Variants in BIN2 observed in about 807,000 individuals in gnomAD.
BIN2 encodes bridging integrator 2, also known as breast cancer associated protein BRAP1.
In BIN2, 43 loss-of-function variants were observed where a neutral mutation model predicts 67.9. The ratio of observed to expected loss-of-function variants is 0.63; its 90% CI spans 0.50 to 0.82. The LOEUF is 0.82. Ranked by LOEUF, BIN2 falls within the 40% of genes least tolerant of loss-of-function variation. BIN2 has a pLI of 0.00. For synonymous variants in BIN2, 244 were observed against 246.8 expected, an observed-to-expected ratio of 0.99 and a Z score of 0.11; for missense variants, 581 against 671.6, an observed-to-expected ratio of 0.87 and a Z score of 1.49.
At chr12:51,285,549 A>G (rs959415139) in intron 11 of BIN2, among the ~76,000 whole-genome samples, 30 of 152,190 alleles carry the variant, frequency 2.0e-4, no homozygotes, top group African/African-American at 7.2e-4. Context: ...AGTTTTTAAA[A>G]CATGAAATTT....
In BIN2 at chr12:51,292,017, G is replaced by A. The variant is rs1357580607; in HGVS notation, c.1089C>T (p.Pro363=). 1 of 1,614,182 alleles carries A rather than the reference G, an allele frequency of 6.2e-7. No homozygotes were observed. The highest frequency in any genetic ancestry group is 1.3e-5 in the African/African-American group (1 of 75,050). The change falls in exon 10 of 13, where the codon CCC becomes CCT. Residue 363 remains proline, a synonymous_variant. Coordinates refer to ENST00000615107, the MANE Select transcript of BIN2 (RefSeq NM_016293.4). The stretch of plus-strand genomic sequence containing the variant: ...CGCCTGGTGATGGAGTTGTGGAGCT[G>A]GGGAGAACTTCCTCCTGGGACTTGG... ...ERAKSQEEVL[P]SSTTPSPGGA... is the part of the protein sequence containing the mutation.
intron 11 of BIN2, among the ~76,000 whole-genome samples, chr12:51,287,476 G>A (rs1945267144): frequency 6.6e-6 from 1 of 151,818 alleles, no homozygotes; most frequent in Non-Finnish European, 1.5e-5. Flanking sequence ...GGGATTTCAG[G>A]CACATGCCAC....
chr12:51,295,575 AAAATATATATAT>A (rs1453056890), intron 9 of BIN2, among the ~76,000 whole-genome samples: 1 of 18,272 alleles, frequency 5.5e-5, no homozygotes, highest in Non-Finnish European at 9.5e-5. Flanking sequence ...AAAAAAAAAA[AAAATATATATAT>A]ATATATATAT....
At chr12:51,324,645 GC>G (rs1214107570), upstream of BIN2, 1 of 1,068,548 alleles carries the variant, frequency 9.4e-7, no homozygotes, top group Non-Finnish European at 1.3e-6. Flanking sequence ...GGACACCCGA[GC>G]CGGGCTTGAA....
chr12:51,316,328 C>CAAAAAAAAAA (rs3059178), intron 1 of BIN2, among the ~76,000 whole-genome samples: 2 of 123,296 alleles, frequency 1.6e-5, no homozygotes, highest in African/African-American at 3.0e-5. Context: ...ACTAAAAATA[C>CAAAAAAAAAA]AAAAAAAAAA....
At chr12:51,282,686 C>T (rs1315291771) in intron 12 of BIN2, among the ~76,000 whole-genome samples, 1 of 152,040 alleles carries the variant, frequency 6.6e-6, no homozygotes, top group African/African-American at 2.4e-5. Context: ...GCTTCTTTGT[C>T]CCGGGTTCAA....
intron 1 of BIN2, 106 bp downstream of exon 1, chr12:51,323,916 C>A: frequency 1.4e-6 from 2 of 1,406,240 alleles, no homozygotes; most frequent in Non-Finnish European, 1.9e-6. Flanking sequence ...TCAGCCCAGA[C>A]CCTTCGGGGC....
rs1161982744 is a variant in BIN2 at position 51,303,087 on chromosome 12, C to A, written c.217G>T (p.Val73Leu). 1.2e-6 allele frequency: 2 copies of A among 1,614,102 alleles called. No individual in the cohort carries two copies. Among genetic ancestry groups the A allele is most frequent in the Non-Finnish European group, 1.7e-6 (2 of 1,179,964 alleles). Residue 73 changes from valine to leucine, a missense_variant and splice_region_variant, in exon 3 of 13, where the codon GTG (valine) becomes TTG (leucine). By Grantham distance (32) the Val-to-Leu change is conservative. Transcript: ENST00000615107. ...DLKNFLSAVK[V>L]MHESSKRVSE... ...GATTCTCCCATGCTGCATTGCCCAC[C>A]TTTGACTGCACTAAGGAAGTTCTTC...
At chr12:51,321,897 T>G (rs4762041) in intron 1 of BIN2, among the ~76,000 whole-genome samples, 49,369 of 152,184 alleles carry the variant, frequency 0.32, 8,491 homozygotes, top group African/African-American at 0.44. Context: ...TCTCAATAAC[T>G]TCCCAAGACT....
intron 11 of BIN2, among the ~76,000 whole-genome samples, 186 bp from the exon 12 acceptor site, chr12:51,284,973 A>G (rs1364398307): frequency 2.0e-5 from 3 of 152,232 alleles, no homozygotes; most frequent in African/African-American, 7.2e-5. Flanking sequence ...ATCCTCTTTT[A>G]CAGATGAATA....
chr12:51,321,371 T>C (rs1293109872), intron 1 of BIN2, among the ~76,000 whole-genome samples: 3 of 152,152 alleles, frequency 2.0e-5, no homozygotes, highest in Non-Finnish European at 2.9e-5. Context: ...CGGTAGAATG[T>C]TGGCTCCATA....
At chr12:51,294,489 C>T (rs1329358892) in intron 9 of BIN2, among the ~76,000 whole-genome samples, 1 of 151,704 alleles carries the variant, frequency 6.6e-6, no homozygotes, top group African/African-American at 2.4e-5. Flanking sequence ...ATTGCTTGAA[C>T]CCGGGAAGCA....
At chr12:51,300,166 G>A (rs758851991) in intron 5 of BIN2, among the ~76,000 whole-genome samples, 8 of 151,896 alleles carry the variant, frequency 5.3e-5, no homozygotes, top group Non-Finnish European at 8.8e-5. Context: ...AGGGTTTTGC[G>A]CCCATGGGGT....
chr12:51,323,701 C>T (rs1946350484), intron 1 of BIN2, among the ~76,000 whole-genome samples: 1 of 152,226 alleles, frequency 6.6e-6, no homozygotes, highest in South Asian at 2.1e-4. Flanking sequence ...ACAAAGGTGG[C>T]CACCACCATC....
At chr12:51,322,488 C>T (rs1042760121) in intron 1 of BIN2, 1 of 152,448 alleles carries the variant, frequency 6.6e-6, no homozygotes, top group Non-Finnish European at 1.5e-5. Flanking sequence ...ATCTCCTGGG[C>T]TCAAGCAGTC....
chr12:51,297,645 GA>G (rs554583216), intron 7 of BIN2, among the ~76,000 whole-genome samples: 8 of 152,120 alleles, frequency 5.3e-5, no homozygotes, highest in Non-Finnish European at 1.0e-4. Context: ...GCTGGGCCAG[GA>G]ACACACGTGA....
chr12:51,282,425 GCACAA>G (rs1945138483), intron 12 of BIN2, among the ~76,000 whole-genome samples: 2 of 152,252 alleles, frequency 1.3e-5, no homozygotes, highest in South Asian at 4.1e-4. Context: ...TAACATCACA[GCACAA>G]CACATTACTC....
At position 51,281,354 on chromosome 12, in the gene BIN2, T is replaced by G; in HGVS notation, c.*145A>C. 1.2e-6 allele frequency: 1 copy of G among 849,566 alleles called. No individual in the cohort carries two copies. The highest frequency in any genetic ancestry group is 1.9e-6 in the Non-Finnish European group (1 of 518,788). 52.6% of individuals were successfully genotyped at this position (849,566 alleles called of 1,614,324 possible). ...CGTAAGGCTGCTCCTCCGCCTCCAT[T>G]AATGCCAGGTCTTTAGACAGCACCA... is the stretch of plus-strand genomic sequence containing the variant. On this transcript the variant is annotated 3_prime_UTR_variant, in exon 13 of 13. Transcript: ENST00000615107.
rs192493641 is a variant in BIN2, at chr12:51,291,172, C to A, written c.1515+419G>T. Among the ~76,000 whole-genome samples the A allele has an allele frequency of 4.2e-3, 629 of 151,276 alleles. 3 individuals are homozygous for A. Among genetic ancestry groups the A allele is most frequent in the African/African-American group, 0.014 (575 of 41,312 alleles). Reference sequence around the variant, plus strand: ...TCAAAAAAGCAAACAAACAAACAAACAAAAAAAAGTCAATTACCCTAAAAG... The same window carrying A: ...TCAAAAAAGCAAACAAACAAACAAAAAAAAAAAAGTCAATTACCCTAAAAG... On this transcript the variant is annotated intron_variant, in intron 10 of 12. Coordinates refer to ENST00000615107, the MANE Select transcript of BIN2 (RefSeq NM_016293.4).
Sources: allele counts gnomAD v4.1 joint callset (sites outside exome capture counted in the v4.1 genomes callset), GRCh38; gene constraint gnomAD v4.1.1; transcripts MANE v1.5; gene names NCBI Gene and HGNC (gene_info 2026-07-23, HGNC 2026-07-21).